Variants in CDH23 observed in about 807,000 individuals in gnomAD.
The protein encoded by CDH23 is cadherin related 23, also known as cadherin-23.
In CDH23, 189 loss-of-function variants were observed where a neutral mutation model predicts 317.1. The observed-to-expected ratio is 0.60, with a 90% CI of 0.53 to 0.67. The LOEUF is 0.67. Ranked by LOEUF, CDH23 falls within the 30% of genes least tolerant of loss-of-function variation. The pLI is 0.00. For synonymous variants in CDH23, 1,839 were observed against 1,876.8 expected, an observed-to-expected ratio of 0.98 and a Z score of 0.52; for missense variants, 4,401 against 4,592.4, an observed-to-expected ratio of 0.96 and a Z score of 1.20.
chr10:71,570,889 A>G lies in CDH23; in HGVS notation c.724A>G (p.Ser242Gly). 1 of 1,614,028 alleles carries G rather than the reference A, an allele frequency of 6.2e-7. No homozygotes were observed. Among genetic ancestry groups the G allele is most frequent in the Non-Finnish European group, 8.5e-7 (1 of 1,179,872 alleles). ...MDPIFINLPYSTNIYEHSPPG... is the reference protein window; with the variant it reads ...MDPIFINLPYGTNIYEHSPPG... ...CCCCATCTTCATCAACCTGCCTTAC[A>G]GCACCAACATCTACGAGCATTCTCC... The change falls in exon 8 of 70, where the codon AGC (serine) becomes GGC (glycine). Residue 242 changes from serine to glycine, a missense_variant. Physicochemically the swap from Ser to Gly is moderately conservative, Grantham distance 56. Coordinates refer to ENST00000224721, the MANE Select transcript of CDH23 (RefSeq NM_022124.6).
intron 14 of CDH23, among the ~76,000 whole-genome samples, chr10:71,659,506 T>C (rs1391030105): frequency 6.6e-6 from 1 of 152,156 alleles, no homozygotes. Flanking sequence ...GTACAGGGGA[T>C]AGTAGCTGTG....
At chr10:71,661,673 G>A (rs537988209) in intron 14 of CDH23, among the ~76,000 whole-genome samples, 95 of 151,810 alleles carry the variant, frequency 6.3e-4, no homozygotes, top group Non-Finnish European at 1.1e-3. Context: ...GACTGGGAGT[G>A]AGGGCTGCTT....
At chr10:71,639,445 C>T (rs777257001) in intron 11 of CDH23, among the ~76,000 whole-genome samples, 3 of 152,220 alleles carry the variant, frequency 2.0e-5, no homozygotes. Context: ...AGCTGAGGTG[C>T]TTGTGGGCCT....
At chr10:71,610,049 G>C (rs1275865367) in intron 9 of CDH23, among the ~76,000 whole-genome samples, 1 of 151,560 alleles carries the variant, frequency 6.6e-6, no homozygotes, top group Admixed American at 6.6e-5. Flanking sequence ...CTATCACCCA[G>C]GCTGGAGTTC....
intron 38 of CDH23, chr10:71,761,658 TCTC>T (rs1026782030): frequency 1.2e-6 from 2 of 1,613,178 alleles, no homozygotes; most frequent in African/African-American, 2.7e-5. Flanking sequence ...TGGTGCCTGA[TCTC>T]CACCACCAGG....
intron 14 of CDH23, among the ~76,000 whole-genome samples, chr10:71,648,335 C>T (rs1394238034): frequency 6.6e-6 from 1 of 152,196 alleles, no homozygotes; most frequent in Non-Finnish European, 1.5e-5. Context: ...CCACCATCCC[C>T]CTTCGAAGGA....
intron 10 of CDH23, among the ~76,000 whole-genome samples, chr10:71,616,670 A>T (rs1200018176): frequency 6.6e-6 from 1 of 152,200 alleles, no homozygotes; most frequent in African/African-American, 2.4e-5. Context: ...GCTGACTCAG[A>T]ACTGGGAATG....
chr10:71,779,738 A>G (rs530189737), intron 41 of CDH23, among the ~76,000 whole-genome samples: 111 of 152,380 alleles, frequency 7.3e-4, no homozygotes, highest in Non-Finnish European at 1.2e-3. Context: ...TACCCAGAGG[A>G]AGGGCCCCAG....
At chr10:71,810,849 G>A (rs1175984035) in intron 62 of CDH23, among the ~76,000 whole-genome samples, 1 of 152,182 alleles carries the variant, frequency 6.6e-6, no homozygotes, top group Non-Finnish European at 1.5e-5. Flanking sequence ...GGGAGGCCAA[G>A]CCAGGTGGAT....
intron 3 of CDH23, among the ~76,000 whole-genome samples, chr10:71,457,307 C>T (rs532485950): frequency 1.3e-5 from 2 of 152,308 alleles, no homozygotes; most frequent in East Asian, 3.9e-4. Flanking sequence ...GTTACCTGCA[C>T]AATCTTGTTT....
chr10:71,758,149 C>T (rs1160708016), intron 38 of CDH23, among the ~76,000 whole-genome samples: 1 of 152,172 alleles, frequency 6.6e-6, no homozygotes, highest in Non-Finnish European at 1.5e-5. Flanking sequence ...GCCTGACCAA[C>T]ATGGCTCTGA....
rs1472112560 is a variant in CDH23, at chr10:71,742,146, C to G, written c.4845+225C>G. On this transcript the variant is annotated intron_variant, in intron 38 of 69. Transcript: ENST00000224721. ...CTAGTTTGGCCTCCCGAGTCTATAG[C>G]TACTCAGAAGCTCTGTTTAGTCCTC... 5.2e-6 allele frequency: 3 copies of G among 574,770 alleles called. No individual in the cohort carries two copies. The East Asian group carries it at 8.4e-5, about 16-fold the overall frequency. 35.6% of individuals were successfully genotyped at this position (574,770 alleles called of 1,614,324 possible).
chr10:71,511,303 C>T, intron 6 of CDH23, 91 bp downstream of exon 6: 1 of 1,185,450 alleles, frequency 8.4e-7, no homozygotes, highest in Non-Finnish European at 1.3e-6. Flanking sequence ...GTGGGGAGAG[C>T]AGCTGTGGCT....
At chr10:71,731,698 A>C (rs1839393724) in intron 31 of CDH23, among the ~76,000 whole-genome samples, 1 of 152,166 alleles carries the variant, frequency 6.6e-6, no homozygotes, top group East Asian at 1.9e-4. Context: ...AGGGAGGTAC[A>C]TGAGCTTGAA....
intron 47 of CDH23, 65 bp downstream of exon 47, chr10:71,791,400 A>G (rs1302332553): frequency 2.8e-6 from 4 of 1,431,288 alleles, no homozygotes; most frequent in African/African-American, 1.4e-5. Context: ...AGGGGACTGG[A>G]GCCTCAGGTT....
intron 34 of CDH23, among the ~76,000 whole-genome samples, chr10:71,736,859 A>AGCTTTCTC (rs1839581163): frequency 6.6e-6 from 1 of 152,216 alleles, no homozygotes; most frequent in African/African-American, 2.4e-5. Flanking sequence ...GCCCTGAGAG[A>AGCTTTCTC]AAGCCTATAA....
chr10:71,660,761 G>A (rs1317968270), intron 14 of CDH23, among the ~76,000 whole-genome samples: 1 of 152,136 alleles, frequency 6.6e-6, no homozygotes, highest in East Asian at 1.9e-4. Context: ...TTTAGTCTCT[G>A]CCAGATCACC....
At chr10:71,430,003 G>A (rs1273612287) in intron 1 of CDH23, among the ~76,000 whole-genome samples, 1 of 152,198 alleles carries the variant, frequency 6.6e-6, no homozygotes, top group Non-Finnish European at 1.5e-5. Flanking sequence ...AAGGGCATTT[G>A]AGCTGTAAGG....
intron 60 of CDH23, 103 bp from the exon 61 acceptor site, chr10:71,809,717 C>A: frequency 6.7e-7 from 1 of 1,492,222 alleles, no homozygotes; most frequent in Non-Finnish European, 9.0e-7. Context: ...GCATTTGTGC[C>A]GCCTCCCCTA....
Sources: gnomAD v4.1 joint callset for allele counts (sites outside exome capture counted in the v4.1 genomes callset) on GRCh38, gnomAD v4.1.1 for gene constraint, MANE v1.5 for transcripts, NCBI Gene and HGNC (gene_info 2026-07-23, HGNC 2026-07-21) for gene names.